The following SEMA6D variants were observed in gnomAD, a reference collection of about 807,000 sequenced individuals.
The protein encoded by SEMA6D is semaphorin-6D.
SEMA6D carries 35 observed loss-of-function variants against 106.6 expected under a neutral mutation model. That is an observed-to-expected ratio of 0.33 (90% confidence interval 0.25 to 0.44). The LOEUF (loss-of-function observed/expected upper bound fraction) is 0.44, where lower values mean the gene tolerates loss of function less well. SEMA6D is among the 20% of genes least tolerant of loss of function. SEMA6D has a pLI of 1.00. For missense variants in SEMA6D, 1,185 were observed against 1,345.9 expected, an observed-to-expected ratio of 0.88 and a Z score of 1.87; for synonymous variants, 499 against 487.7, an observed-to-expected ratio of 1.02 and a Z score of -0.31.
At chr15:47,668,201 G>C (rs2078066054) in intron 4 of SEMA6D, among the ~76,000 whole-genome samples, 2 of 152,190 alleles carry the variant, frequency 1.3e-5, no homozygotes, top group African/African-American at 4.8e-5. Context: ...CATGTACCTG[G>C]TGGCCTGGAA....
chr15:47,359,116 T>C (rs1360461515), intron 1 of SEMA6D, among the ~76,000 whole-genome samples: 1 of 152,174 alleles, frequency 6.6e-6, no homozygotes, highest in Non-Finnish European at 1.5e-5. Flanking sequence ...GTGAGAACTA[T>C]GCCTTATAGT....
intron 1 of SEMA6D, among the ~76,000 whole-genome samples, chr15:47,284,909 A>G (rs549810628): frequency 6.6e-6 from 1 of 152,308 alleles, no homozygotes; most frequent in Admixed American, 6.5e-5. Context: ...TCTCCTTTTC[A>G]TATTGCATTT....
At chr15:47,254,505 C>G (rs1423377182) in intron 1 of SEMA6D, among the ~76,000 whole-genome samples, 2 of 151,920 alleles carry the variant, frequency 1.3e-5, no homozygotes, top group East Asian at 3.9e-4. Context: ...TCATCTTGTT[C>G]TAGATCTAAA....
intron 4 of SEMA6D, among the ~76,000 whole-genome samples, chr15:47,657,428 T>C (rs1000603806): frequency 3.9e-5 from 6 of 152,158 alleles, no homozygotes; most frequent in African/African-American, 1.4e-4. Flanking sequence ...TCCTATGTTT[T>C]TAATATTATT....
intron 3 of SEMA6D, among the ~76,000 whole-genome samples, chr15:47,497,630 A>G (rs1319876926): frequency 6.6e-6 from 1 of 152,118 alleles, no homozygotes. Flanking sequence ...TGTATGCCTC[A>G]GTCTCCTTAC....
chr15:47,215,164 C>T (rs1247529287), intron 1 of SEMA6D, among the ~76,000 whole-genome samples: 1 of 64,618 alleles, frequency 1.5e-5, no homozygotes, highest in Non-Finnish European at 3.2e-5. Flanking sequence ...CAAACATCTG[C>T]TGTTTATACT....
At chr15:47,716,741 A>G (rs147518783), upstream of SEMA6D, among the ~76,000 whole-genome samples, 1,608 of 152,216 alleles carry the variant, frequency 0.011, 35 homozygotes, top group African/African-American at 0.036. Context: ...CTCCCACAAC[A>G]TATTACATGA....
chr15:47,207,091 C>T (rs765936056), intron 1 of SEMA6D, among the ~76,000 whole-genome samples: 8 of 152,150 alleles, frequency 5.3e-5, no homozygotes, highest in Non-Finnish European at 7.3e-5. Flanking sequence ...GGCAATTAGG[C>T]AGCAGTGGAA....
intron 2 of SEMA6D, among the ~76,000 whole-genome samples, chr15:47,465,809 T>C (rs1298614622): frequency 6.6e-6 from 1 of 152,134 alleles, no homozygotes; most frequent in Non-Finnish European, 1.5e-5. Flanking sequence ...CCTCTTTTCA[T>C]TCTAAATTAC....
chr15:47,334,856 T>C (rs1365549235), intron 1 of SEMA6D, among the ~76,000 whole-genome samples: 4 of 152,156 alleles, frequency 2.6e-5, no homozygotes, highest in African/African-American at 7.2e-5. Flanking sequence ...TCTTAAGGAA[T>C]TGCCTTATTG....
At chr15:47,295,048 G>T (rs1405993137) in intron 1 of SEMA6D, among the ~76,000 whole-genome samples, 1 of 152,140 alleles carries the variant, frequency 6.6e-6, no homozygotes. Flanking sequence ...AGAGCCAAGA[G>T]AAGCAGAAAG....
chr15:47,534,181 C>CA (rs1218293901), intron 3 of SEMA6D, among the ~76,000 whole-genome samples: 1 of 151,852 alleles, frequency 6.6e-6, no homozygotes, highest in Non-Finnish European at 1.5e-5. Context: ...GTATCTAAGC[C>CA]AAAAATGCCT....
At chr15:47,287,292 G>A (rs1471062881) in intron 1 of SEMA6D, among the ~76,000 whole-genome samples, 1 of 152,156 alleles carries the variant, frequency 6.6e-6, no homozygotes, top group Non-Finnish European at 1.5e-5. Flanking sequence ...GTTAGGCTAA[G>A]GCAATGGTAT....
At chr15:47,366,138 T>TTG (rs1210164922) in intron 1 of SEMA6D, among the ~76,000 whole-genome samples, 2 of 152,176 alleles carry the variant, frequency 1.3e-5, no homozygotes, top group Non-Finnish European at 2.9e-5. Context: ...AAATTCAAAA[T>TTG]TGTGTCACTC....
chr15:47,615,011 G>A (rs1347088650), intron 4 of SEMA6D, among the ~76,000 whole-genome samples: 1 of 152,096 alleles, frequency 6.6e-6, no homozygotes, highest in Non-Finnish European at 1.5e-5. Flanking sequence ...CCTAGTATGT[G>A]CCAACCACAA....
intron 1 of SEMA6D, among the ~76,000 whole-genome samples, chr15:47,277,820 T>A: frequency 6.7e-6 from 1 of 149,616 alleles, no homozygotes; most frequent in African/African-American, 2.4e-5. Flanking sequence ...TGTCCATGTG[T>A]TCTCATTGTT....
chr15:47,299,430 T>G (rs575637404), intron 1 of SEMA6D, among the ~76,000 whole-genome samples: 21 of 152,362 alleles, frequency 1.4e-4, no homozygotes, highest in African/African-American at 5.1e-4. Context: ...ATCCAAATTT[T>G]CATTCAGTGT....
At chr15:47,267,900 A>G (rs1272316593) in intron 1 of SEMA6D, among the ~76,000 whole-genome samples, 2 of 151,822 alleles carry the variant, frequency 1.3e-5, no homozygotes, top group Non-Finnish European at 2.9e-5. Context: ...CTTTTTTTCT[A>G]TTAAAGAAAC....
intron 3 of SEMA6D, among the ~76,000 whole-genome samples, chr15:47,471,758 T>G (rs2042845431): frequency 6.6e-6 from 1 of 152,144 alleles, no homozygotes; most frequent in Non-Finnish European, 1.5e-5. Context: ...TTTTTAAGTG[T>G]CTTCCTGGGA....
Sources: allele counts gnomAD v4.1 joint callset (sites outside exome capture counted in the v4.1 genomes callset), GRCh38; gene constraint gnomAD v4.1.1; transcripts MANE v1.5; gene names NCBI Gene and HGNC (gene_info 2026-07-23, HGNC 2026-07-21).